NCAM2: variants seen among roughly 807,000 people sequenced by gnomAD.
The protein encoded by NCAM2 is neural cell adhesion molecule 2, also known as N-CAM-2.
NCAM2 carries 30 observed loss-of-function variants against 98.1 expected under a neutral mutation model. The observed-to-expected ratio is 0.31, with a 90% CI of 0.23 to 0.41. The LOEUF is 0.41. NCAM2 is among the 10% of genes least tolerant of loss of function. NCAM2 has a pLI of 1.00. For missense variants in NCAM2, 867 were observed against 1,005.8 expected (o/e 0.86, Z 1.87); for synonymous variants, 368 against 342.4 (o/e 1.07, Z -0.83).
chr21:21,436,257 A>T (rs115689804), intron 12 of NCAM2, among the ~76,000 whole-genome samples: 155 of 152,324 alleles, frequency 1.0e-3, no homozygotes, highest in Non-Finnish European at 2.0e-3. Context: ...TGTGATTTCA[A>T]TGAGTCACTA....
At chr21:21,183,624 A>G (rs890295866) in intron 1 of NCAM2, among the ~76,000 whole-genome samples, 1 of 152,204 alleles carries the variant, frequency 6.6e-6, no homozygotes, top group African/African-American at 2.4e-5. Flanking sequence ...TTAAACTGGT[A>G]AATTAATCAG....
At chr21:21,471,156 C>G (rs1984390821) in intron 14 of NCAM2, among the ~76,000 whole-genome samples, 1 of 151,930 alleles carries the variant, frequency 6.6e-6, no homozygotes, top group African/African-American at 2.4e-5. Flanking sequence ...CTCAACTGCC[C>G]AGCTCTTGTG....
chr21:21,373,894 A>G lies in NCAM2; in HGVS notation c.1076A>G (p.Gln359Arg), dbSNP rs756499288. ...GACGGCCGTATCGAAGTCAAAGGGC[A>G]GCATGGAAGCTCATCACTGCATATT... is the stretch of plus-strand genomic sequence containing the variant. ...SLDGRIEVKG[Q>R]HGSSSLHIKD... The change falls in exon 9 of 18, where the codon CAG (glutamine) becomes CGG (arginine). Residue 359 changes from glutamine (Q) to arginine (R), a missense_variant. Around this residue, in one of 5 missense-constraint regions of NCAM2, gnomAD observed 447 missense variants for 495.7 expected, o/e 0.90. Transcript: ENST00000400546. The G allele has an allele frequency of 2.5e-6, 4 of 1,609,892 alleles. No homozygotes were observed. Among genetic ancestry groups the G allele is most frequent in the Non-Finnish European group, 3.4e-6 (4 of 1,177,642 alleles).
At chr21:21,067,125 A>G (rs1246622538) in intron 1 of NCAM2, among the ~76,000 whole-genome samples, 1 of 151,404 alleles carries the variant, frequency 6.6e-6, no homozygotes, top group Non-Finnish European at 1.5e-5. Flanking sequence ...TTAAAAATAC[A>G]TATATTTATT....
At chr21:21,129,215 CT>C (rs1276414120) in intron 1 of NCAM2, among the ~76,000 whole-genome samples, 1 of 152,058 alleles carries the variant, frequency 6.6e-6, no homozygotes, top group African/African-American at 2.4e-5. Flanking sequence ...ACTGTACAGA[CT>C]TACCTTTATC....
intron 1 of NCAM2, among the ~76,000 whole-genome samples, chr21:21,124,141 C>A (rs564579615): frequency 6.6e-6 from 1 of 152,056 alleles, no homozygotes; most frequent in Non-Finnish European, 1.5e-5. Context: ...GCCACCGCGC[C>A]CGTCCTGATT....
intron 14 of NCAM2, among the ~76,000 whole-genome samples, chr21:21,471,470 T>G (rs1602438705): frequency 6.6e-6 from 1 of 152,148 alleles, no homozygotes; most frequent in East Asian, 1.9e-4. Context: ...AAAGTGCAAC[T>G]GAATAACTTG....
chr21:21,451,124 C>T (rs552638789), intron 12 of NCAM2, among the ~76,000 whole-genome samples: 4 of 152,170 alleles, frequency 2.6e-5, no homozygotes, highest in South Asian at 4.2e-4. Context: ...ACATCAGTCA[C>T]GCCTCTCTGT....
intron 1 of NCAM2, among the ~76,000 whole-genome samples, chr21:21,155,903 T>G (rs2067598003): frequency 6.6e-6 from 1 of 151,986 alleles, no homozygotes; most frequent in African/African-American, 2.4e-5. Context: ...AAAAACCCCT[T>G]AAAATAGTCT....
At chr21:21,169,952 G>A (rs553788547) in intron 1 of NCAM2, among the ~76,000 whole-genome samples, 7 of 151,968 alleles carry the variant, frequency 4.6e-5, no homozygotes, top group Non-Finnish European at 7.4e-5. Context: ...GTGAGACCCC[G>A]TCTCAAAAAA....
At chr21:21,177,701 C>T (rs2068339530) in intron 1 of NCAM2, among the ~76,000 whole-genome samples, 1 of 151,558 alleles carries the variant, frequency 6.6e-6, no homozygotes, top group African/African-American at 2.4e-5. Context: ...CACCTACTCT[C>T]TTTCTCTCCC....
At chr21:21,422,267 C>T (rs2077126495) in intron 11 of NCAM2, among the ~76,000 whole-genome samples, 1 of 152,060 alleles carries the variant, frequency 6.6e-6, no homozygotes, top group Non-Finnish European at 1.5e-5. Flanking sequence ...ACAGTGTGTA[C>T]ACACATGGAA....
intron 1 of NCAM2, among the ~76,000 whole-genome samples, chr21:21,010,380 A>G (rs1757778914): frequency 6.6e-6 from 1 of 152,078 alleles, no homozygotes; most frequent in Non-Finnish European, 1.5e-5. Flanking sequence ...TGAAATGTTC[A>G]ACTTTACTGT....
chr21:21,432,986 A>G (rs1017951442), intron 12 of NCAM2, among the ~76,000 whole-genome samples: 14 of 152,308 alleles, frequency 9.2e-5, no homozygotes, highest in African/African-American at 2.9e-4. Flanking sequence ...GGTCTGTTCT[A>G]TGAGGATCCT....
At chr21:21,510,845 T>A (rs1326586870) in intron 16 of NCAM2, among the ~76,000 whole-genome samples, 1 of 152,000 alleles carries the variant, frequency 6.6e-6, no homozygotes, top group African/African-American at 2.4e-5. Flanking sequence ...TAATAAATAT[T>A]CACAAGCTGA....
chr21:21,295,185 C>G (rs1366779184), intron 5 of NCAM2, among the ~76,000 whole-genome samples: 1 of 151,744 alleles, frequency 6.6e-6, no homozygotes, highest in Non-Finnish European at 1.5e-5. Context: ...AGGACCTGCC[C>G]TTTATTCTAC....
intron 1 of NCAM2, among the ~76,000 whole-genome samples, chr21:21,084,944 A>G (rs189634396): frequency 3.6e-4 from 55 of 152,262 alleles, no homozygotes; most frequent in African/African-American, 1.2e-3. Context: ...TTGGGCTTCA[A>G]TAGTCACTGT....
rs780346570 is a variant in NCAM2, at chr21:21,466,593, G to GTTTT, written c.1655-11_1655-8dup. ...TATATGTTTTATTTTGTTTTGTTTT[G>GTTTT]TTTTTCTTCTAGCAATGGTTGTTTT... On this transcript the variant is annotated splice_polypyrimidine_tract_variant and intron_variant, in intron 12 of 17. Transcript: ENST00000400546. 1 of 1,542,634 alleles carries GTTTT rather than the reference G, an allele frequency of 6.5e-7. No individual in the cohort carries two copies. Among genetic ancestry groups the GTTTT allele is most frequent in the Admixed American group, 2.0e-5 (1 of 50,506 alleles).
chr21:21,471,770 AC>A (rs372638150), intron 14 of NCAM2, among the ~76,000 whole-genome samples: 4 of 152,070 alleles, frequency 2.6e-5, no homozygotes, highest in African/African-American at 9.6e-5. Context: ...AAAGTGTAAA[AC>A]TCCCTATAGA....
Sources: allele counts gnomAD v4.1 joint callset (sites outside exome capture counted in the v4.1 genomes callset), GRCh38; gene constraint gnomAD v4.1.1; regional missense constraint gnomAD v4.1.1; transcripts MANE v1.5; gene names NCBI Gene and HGNC (gene_info 2026-07-23, HGNC 2026-07-21).